RTN4: variants seen among roughly 807,000 people sequenced by gnomAD.
RTN4 encodes the protein reticulon 4, also known as reticulon-4.
A neutral mutation model predicts 90.4 loss-of-function variants in RTN4; 32 were observed. That is an observed-to-expected ratio of 0.35 (90% CI 0.27 to 0.48). The LOEUF (loss-of-function observed/expected upper bound fraction) is 0.48, where lower values mean the gene tolerates loss of function less well. Ranked by LOEUF, RTN4 falls within the 20% of genes least tolerant of loss-of-function variation. The pLI is 0.99. For missense variants in RTN4, 1,706 were observed against 1,430.2 expected, an observed-to-expected ratio of 1.19 and a Z score of -3.11; for synonymous variants, 629 against 552.5, an observed-to-expected ratio of 1.14 and a Z score of -1.94.
At chr2:55,136,002 A>C in the RTN4 span, among the ~76,000 whole-genome samples, 2 of 152,040 alleles carry the variant, frequency 1.3e-5, no homozygotes, top group African/African-American at 2.4e-5. Context: ...GAGGGCCCCC[A>C]CCTCCAGGCA....
At chr2:55,008,918 G>A (rs1680434198) in intron 3 of RTN4, among the ~76,000 whole-genome samples, 1 of 152,118 alleles carries the variant, frequency 6.6e-6, no homozygotes, top group South Asian at 2.1e-4. Context: ...CTAACAGGAT[G>A]AAGAAATAAA....
At chr2:55,076,588 C>T (rs879514232) in intron 2 of RTN4, among the ~76,000 whole-genome samples, 2 of 151,822 alleles carry the variant, frequency 1.3e-5, no homozygotes, top group Non-Finnish European at 2.9e-5. Context: ...TTAGTACAGA[C>T]GCGGTTTCAC....
intron 2 of RTN4, among the ~76,000 whole-genome samples, chr2:55,062,932 A>G (rs1484725340): frequency 1.3e-5 from 2 of 152,208 alleles, no homozygotes; most frequent in Non-Finnish European, 1.5e-5. Context: ...CTCCAGCTGT[A>G]TGGAATACAA....
At chr2:54,973,787 C>T in intron 7 of RTN4, 34 bp downstream of exon 7, 1 of 1,597,856 alleles carries the variant, frequency 6.3e-7, no homozygotes, top group East Asian at 2.2e-5. Flanking sequence ...AGTGAGTGCT[C>T]TATTCTGAAG....
At chr2:55,137,797 G>A in the RTN4 span, among the ~76,000 whole-genome samples, 310 of 152,278 alleles carry the variant, frequency 2.0e-3, 2 homozygotes, top group African/African-American at 7.0e-3. Flanking sequence ...CTCTGGGCAA[G>A]CGGAACCTGC....
chr2:55,013,844 C>T (rs1378187978), intron 3 of RTN4, among the ~76,000 whole-genome samples: 1 of 151,968 alleles, frequency 6.6e-6, no homozygotes, highest in South Asian at 2.1e-4. Context: ...TTTAGAGATG[C>T]AAGGGAAAGA....
intron 3 of RTN4, among the ~76,000 whole-genome samples, chr2:55,001,510 C>G (rs1679850272): frequency 6.6e-6 from 1 of 152,170 alleles, no homozygotes; most frequent in African/African-American, 2.4e-5. Flanking sequence ...AAGTAATCTT[C>G]AAAATTAATC....
At chr2:54,999,047 TG>T (rs1173608969) in intron 3 of RTN4, among the ~76,000 whole-genome samples, 1 of 152,168 alleles carries the variant, frequency 6.6e-6, no homozygotes, top group Non-Finnish European at 1.5e-5. Flanking sequence ...TTTACAACTT[TG>T]GGGGAATGCT....
At chr2:55,036,872 T>C (rs1265720300) in intron 1 of RTN4, among the ~76,000 whole-genome samples, 1 of 152,116 alleles carries the variant, frequency 6.6e-6, no homozygotes, top group African/African-American at 2.4e-5. Context: ...GACTAATGCA[T>C]TCACTCAAGA....
At chr2:55,136,082 A>G in the RTN4 span, among the ~76,000 whole-genome samples, 1 of 152,206 alleles carries the variant, frequency 6.6e-6, no homozygotes, top group Admixed American at 6.6e-5. Flanking sequence ...CCAGTGCCAG[A>G]GCTTAAAGGC....
chr2:54,997,401 G>C (rs1255985192), intron 3 of RTN4, among the ~76,000 whole-genome samples: 1 of 152,196 alleles, frequency 6.6e-6, no homozygotes, highest in East Asian at 1.9e-4. Context: ...CTCATAGATT[G>C]CTGATGGGAA....
chr2:55,063,056 A>G (rs1668329025), intron 2 of RTN4, among the ~76,000 whole-genome samples: 1 of 152,214 alleles, frequency 6.6e-6, no homozygotes, highest in Non-Finnish European at 1.5e-5. Flanking sequence ...CCATGGAGCT[A>G]CCATACTAAC....
At chr2:55,108,011 C>T (rs1379492921) in intron 1 of RTN4, among the ~76,000 whole-genome samples, 4 of 151,796 alleles carry the variant, frequency 2.6e-5, no homozygotes, top group Admixed American at 2.6e-4. Flanking sequence ...GGCTGGAGTG[C>T]AGTGGCACAT....
intron 2 of RTN4, among the ~76,000 whole-genome samples, chr2:55,056,709 T>C (rs2104997476): frequency 6.6e-6 from 1 of 152,326 alleles, no homozygotes; most frequent in African/African-American, 2.4e-5. Context: ...TCAAATTATG[T>C]AACTGTATTG....
intron 3 of RTN4, among the ~76,000 whole-genome samples, chr2:55,000,395 T>G (rs1458096193): frequency 6.6e-6 from 1 of 152,200 alleles, no homozygotes; most frequent in Non-Finnish European, 1.5e-5. Flanking sequence ...CTTTCCTGTC[T>G]TACTTTGATA....
chr2:54,994,556 T>C (rs573707193), intron 3 of RTN4, among the ~76,000 whole-genome samples: 4 of 152,196 alleles, frequency 2.6e-5, no homozygotes, highest in Non-Finnish European at 5.9e-5. Flanking sequence ...TTTAACATAC[T>C]AGGAACAAAA....
the RTN4 span, among the ~76,000 whole-genome samples, chr2:55,134,754 G>A: frequency 6.6e-6 from 1 of 152,116 alleles, no homozygotes; most frequent in African/African-American, 2.4e-5. Context: ...CAAGCTTTTT[G>A]GGCCCACCGA....
Position 54,987,661 on chromosome 2 carries a change from A to G in RTN4, c.3051T>C (p.Thr1017=). The G allele has an allele frequency of 6.2e-7, 1 of 1,614,176 alleles. No individual in the cohort carries two copies. The highest frequency in any genetic ancestry group is 8.5e-7 in the Non-Finnish European group (1 of 1,180,002). Residue 1017 remains threonine (T), a synonymous_variant, in exon 4 of 9, where the codon ACT becomes ACC. Transcript: ENST00000337526. ...DLLYWRDIKK[T]GVVFGASLFL... ...ATAGGCTGGCACCAAACACCACTCC[A>G]GTCTTCTTAATGTCTCTCCAGTACA...
chr2:55,039,592 C>G (rs1396343435), intron 1 of RTN4, among the ~76,000 whole-genome samples: 3 of 152,174 alleles, frequency 2.0e-5, no homozygotes, highest in Non-Finnish European at 4.4e-5. Context: ...CCAGCCTGCC[C>G]AATATGGTGA....
Sources: allele counts gnomAD v4.1 joint callset (sites outside exome capture counted in the v4.1 genomes callset), GRCh38; gene constraint gnomAD v4.1.1; transcripts MANE v1.5; gene names NCBI Gene and HGNC (gene_info 2026-07-23, HGNC 2026-07-21).